Variants in USP42 observed in about 807,000 individuals in gnomAD.
USP42 encodes the protein ubiquitin specific peptidase 42, also known as ubiquitin carboxyl-terminal hydrolase 42.
USP42 carries 23 observed loss-of-function variants against 113.0 expected under a neutral mutation model. The observed-to-expected ratio is 0.20, with a 90% CI of 0.15 to 0.29. The LOEUF (loss-of-function observed/expected upper bound fraction) is 0.29. Among genes scored for constraint, USP42 ranks in the 10% least tolerant of loss-of-function variants. The pLI is 1.00. For missense variants in USP42, 2,174 were observed against 1,779.8 expected, an observed-to-expected ratio of 1.22 and a Z score of -3.99; for synonymous variants, 933 against 699.0, an observed-to-expected ratio of 1.33 and a Z score of -5.28.
chr7:6,155,060 A>T lies in USP42; in HGVS notation c.3506A>T (p.Asn1169Ile), dbSNP rs1458066565. The T allele has an allele frequency of 1.3e-6, 2 of 1,563,288 alleles. No homozygotes were observed. Among genetic ancestry groups the T allele is most frequent in the Non-Finnish European group, 1.7e-6 (2 of 1,153,918 alleles). ...SRKRRHDSVE[N>I]SDSHVEKKAR... ...AAACGGAGACACGACAGTGTGGAGA[A>T]CAGTGACAGTCATGTTGAAAAGAAA... The change falls in exon 15 of 18, where the codon AAC (asparagine) becomes ATC (isoleucine). Residue 1169 changes from asparagine to isoleucine, a missense_variant. Coordinates refer to ENST00000306177, the MANE Select transcript of USP42 (RefSeq NM_032172.3).
Position 6,154,479 on chromosome 7 carries a change from C to T in USP42, c.2925C>T (p.Gly975=), listed in dbSNP as rs1357445612. 1.3e-6 allele frequency: 2 copies of T among 1,552,668 alleles called. No homozygotes were observed. The highest frequency in any genetic ancestry group is 2.4e-5 in the East Asian group (1 of 41,198). The change falls in exon 15 of 18, where the codon GGC becomes GGT. Residue 975 remains glycine (G), a synonymous_variant. Coordinates refer to ENST00000306177, the MANE Select transcript of USP42 (RefSeq NM_032172.3). ...PARESRSKTE[G]HRHRRRRTCP... ...GAGAGAGCAGGAGCAAGACTGAGGG[C>T]CACCGTCACCGGCGGCGCCGCACCT...
the USP42 span, among the ~76,000 whole-genome samples, chr7:6,095,407 C>T: frequency 1.3e-5 from 2 of 151,116 alleles, no homozygotes; most frequent in Non-Finnish European, 2.9e-5. Flanking sequence ...TGGTGGCTCA[C>T]GCCTGTAATC....
Position 6,145,676 on chromosome 7 carries a change from T to C in USP42, c.1131+20T>C. Reference sequence around the variant, plus strand: ...ATAAAAGTAAGCTGTGCAGATTTGCTATTAACTATTGTTACATACATGCTA... The same window carrying C: ...ATAAAAGTAAGCTGTGCAGATTTGCCATTAACTATTGTTACATACATGCTA... On this transcript the variant is annotated intron_variant, in intron 10 of 17. Transcript: ENST00000306177. The C allele has an allele frequency of 6.2e-7, 1 of 1,608,242 alleles. No individual in the cohort carries two copies. The highest frequency in any genetic ancestry group is 2.2e-5 in the East Asian group (1 of 44,788).
chr7:6,081,715 G>A, the USP42 span: 2 of 152,230 alleles, frequency 1.3e-5, no homozygotes, highest in Non-Finnish European at 2.9e-5. Context: ...GAGGGTGATC[G>A]CGCTGCTGAA....
chr7:6,108,821 G>T (rs756951530), intron 1 of USP42, among the ~76,000 whole-genome samples: 5 of 152,196 alleles, frequency 3.3e-5, no homozygotes, highest in Non-Finnish European at 5.9e-5. Flanking sequence ...TTCTACTCCA[G>T]AGTTTTTTAA....
intron 2 of USP42, among the ~76,000 whole-genome samples, chr7:6,113,917 G>A (rs970045725): frequency 5.9e-5 from 9 of 152,258 alleles, no homozygotes; most frequent in Admixed American, 2.0e-4. Flanking sequence ...CACTGTGCCC[G>A]ACCCAATCTC....
chr7:6,107,812 AAGGCTCAAG>A (rs1187788295), intron 1 of USP42, among the ~76,000 whole-genome samples: 26 of 152,318 alleles, frequency 1.7e-4, no homozygotes, highest in Admixed American at 4.6e-4. Context: ...TTTGGAGGAT[AAGGCTCAAG>A]CTTTCTTCCT....
At chr7:6,112,690 C>A (rs916298178) in intron 2 of USP42, among the ~76,000 whole-genome samples, 8 of 152,034 alleles carry the variant, frequency 5.3e-5, no homozygotes, top group Non-Finnish European at 4.4e-5. Flanking sequence ...TGCAGCCCAA[C>A]ACAAATCCGT....
chr7:6,106,303 A>G (rs1169254579), intron 1 of USP42, among the ~76,000 whole-genome samples: 2 of 152,228 alleles, frequency 1.3e-5, no homozygotes, highest in African/African-American at 4.8e-5. Context: ...AACGTGGATT[A>G]CATTGTTTAC....
chr7:6,115,029 TC>T (rs1248197171), intron 2 of USP42, among the ~76,000 whole-genome samples: 4 of 151,970 alleles, frequency 2.6e-5, no homozygotes, highest in African/African-American at 9.7e-5. Flanking sequence ...CAGAGCAGCA[TC>T]CAAATGAAGT....
At chr7:6,105,100 G>T in intron 1 of USP42, 68 bp downstream of exon 1, 1 of 147,292 alleles carries the variant, frequency 6.8e-6, no homozygotes, top group South Asian at 1.8e-4. Flanking sequence ...CCGCTCGCCT[G>T]GGCCGCCGCT....
intron 6 of USP42, 29 bp downstream of exon 6, chr7:6,140,224 T>C (rs1562834760): frequency 2.5e-6 from 4 of 1,586,492 alleles, no homozygotes; most frequent in Non-Finnish European, 3.5e-6. Context: ...GTTGATAAAA[T>C]GATACACACA....
intron 14 of USP42, among the ~76,000 whole-genome samples, chr7:6,153,360 C>T (rs1247524651): frequency 6.6e-6 from 1 of 151,488 alleles, no homozygotes; most frequent in Non-Finnish European, 1.5e-5. Flanking sequence ...ACAGGAAGAG[C>T]CTAGAACTCT....
chr7:6,158,506 C>T lies in USP42; in HGVS notation c.3944-944C>T, dbSNP rs1782588052. Among the ~76,000 whole-genome samples the T allele has an allele frequency of 1.3e-5, 2 of 152,134 alleles. No homozygotes were observed. Among genetic ancestry groups the T allele is most frequent in the South Asian group, 4.1e-4 (2 of 4,832 alleles). ...CCTGTCCCTCCCAGCAGCCCAGAGC[C>T]AGCATGCATTGTTGATTGAGGGGTA... On this transcript the variant is annotated intron_variant, in intron 16 of 17. Coordinates refer to ENST00000306177, the MANE Select transcript of USP42 (RefSeq NM_032172.3). The surrounding 1 kb of genome is among the most constrained non-coding windows in gnomAD (Gnocchi z 4.2).
At chr7:6,123,606 T>A (rs1780358187) in intron 3 of USP42, among the ~76,000 whole-genome samples, 1 of 151,944 alleles carries the variant, frequency 6.6e-6, no homozygotes, top group Admixed American at 6.6e-5. Flanking sequence ...GAGCCTGCAG[T>A]GAGCCGAGAT....
At chr7:6,113,769 C>G (rs1430492538) in intron 2 of USP42, among the ~76,000 whole-genome samples, 1 of 152,046 alleles carries the variant, frequency 6.6e-6, no homozygotes, top group Admixed American at 6.6e-5. Context: ...CTACAGGTGC[C>G]TGCCACCACA....
rs771719859 is a variant in USP42 at position 6,147,795 on chromosome 7, A to G, written c.1289A>G (p.Gln430Arg). 1 of 1,612,792 alleles carries G rather than the reference A, an allele frequency of 6.2e-7. No individual in the cohort carries two copies. The highest frequency in any genetic ancestry group is 1.1e-5 in the South Asian group (1 of 90,898). Residue 430 changes from glutamine (Q) to arginine (R), a missense_variant, in exon 12 of 18, where the codon CAG becomes CGG. Coordinates refer to ENST00000306177, the MANE Select transcript of USP42 (RefSeq NM_032172.3). ...ELTHPTHSPG[Q>R]SSPRPVISQR... ...ACTCATCCCACCCATAGCCCCGGCC[A>G]GTCCTCTCCCCGCCCCGTCATCAGT...
At chr7:6,126,476 C>T (rs575542672) in intron 3 of USP42, among the ~76,000 whole-genome samples, 17 of 152,082 alleles carry the variant, frequency 1.1e-4, no homozygotes, top group African/African-American at 3.4e-4. Flanking sequence ...TTAGTAGAGA[C>T]GGGTTTCACC....
At chr7:6,104,267 A>G (rs1478416456), upstream of USP42, among the ~76,000 whole-genome samples, 1 of 151,292 alleles carries the variant, frequency 6.6e-6, no homozygotes, top group African/African-American at 2.5e-5. Flanking sequence ...TATCTTTAGT[A>G]GAGACAGGGT....
Sources: allele counts gnomAD v4.1 joint callset (sites outside exome capture counted in the v4.1 genomes callset), GRCh38; gene constraint gnomAD v4.1.1; non-coding constraint Gnocchi (gnomAD v3.1); transcripts MANE v1.5; gene names NCBI Gene and HGNC (gene_info 2026-07-23, HGNC 2026-07-21).